The following MCTP2 variants were observed in gnomAD, a reference collection of about 807,000 sequenced individuals.
The protein encoded by MCTP2 is multiple C2 and transmembrane domain-containing protein 2.
MCTP2 carries 132 observed loss-of-function variants against 111.6 expected under a neutral mutation model. The ratio of observed to expected loss-of-function variants is 1.18; its 90% CI spans 1.03 to 1.37. MCTP2 has a LOEUF of 1.37. Among genes scored for constraint, MCTP2 ranks in the 40% most tolerant of loss-of-function variants. The pLI, the probability that MCTP2 is intolerant of heterozygous loss-of-function variation, is 0.00. For synonymous variants in MCTP2, 395 were observed against 387.7 expected (o/e 1.02, Z -0.22); for missense variants, 1,183 against 1,067.9 (o/e 1.11, Z -1.50).
intron 17 of MCTP2, among the ~76,000 whole-genome samples, chr15:94,426,209 C>T (rs1323493504): frequency 6.6e-6 from 1 of 151,754 alleles, no homozygotes; most frequent in Non-Finnish European, 1.5e-5. Flanking sequence ...TCCTATTTGG[C>T]ATTCCTTAAC....
At chr15:94,392,873 C>A (rs992512207) in intron 14 of MCTP2, among the ~76,000 whole-genome samples, 25 of 151,880 alleles carry the variant, frequency 1.6e-4, no homozygotes, top group Admixed American at 1.2e-3. Flanking sequence ...AAAAATAGAG[C>A]TATTCCCTCT....
At chr15:94,362,370 G>C (rs184649621) in intron 10 of MCTP2, among the ~76,000 whole-genome samples, 1 of 151,286 alleles carries the variant, frequency 6.6e-6, no homozygotes, top group Admixed American at 6.6e-5. Context: ...ACTCATTATA[G>C]AATTTTCTAG....
chr15:94,296,478 A>G (rs1180663359), intron 1 of MCTP2, among the ~76,000 whole-genome samples: 2 of 152,206 alleles, frequency 1.3e-5, no homozygotes, highest in Non-Finnish European at 2.9e-5. Flanking sequence ...GTATTAGTCC[A>G]TTCAGTCCTC....
Position 94,298,512 on chromosome 15 carries a change from T to C in MCTP2, c.247T>C (p.Ser83Pro), listed in dbSNP as rs2075380835. 1 of 1,613,964 alleles carries C rather than the reference T, an allele frequency of 6.2e-7. No homozygotes were observed. Among genetic ancestry groups the C allele is most frequent in the Non-Finnish European group, 8.5e-7 (1 of 1,179,870 alleles). The change falls in exon 2 of 23, where the codon TCC becomes CCC. Residue 83 changes from serine (S) to proline (P), a missense_variant. Coordinates refer to ENST00000357742, the MANE Select transcript of MCTP2 (RefSeq NM_001385001.1). ...SSYTSVPSSL[S>P]TAGIFPKSSS... The stretch of plus-strand genomic sequence containing the variant: ...CTACACCTCGGTGCCCAGCAGTCTG[T>C]CCACTGCAGGGATCTTTCCCAAGAG...
intron 12 of MCTP2, among the ~76,000 whole-genome samples, chr15:94,374,114 T>C (rs16949038): frequency 0.032 from 4,822 of 152,258 alleles, 235 homozygotes; most frequent in African/African-American, 0.1. Context: ...ATACCTACAG[T>C]AGAGGCCCAG....
At chr15:94,319,982 C>A (rs1415688140) in intron 4 of MCTP2, among the ~76,000 whole-genome samples, 3 of 152,124 alleles carry the variant, frequency 2.0e-5, no homozygotes, top group Admixed American at 6.5e-5. Flanking sequence ...TTGTCCTATG[C>A]AGTCTTTTAT....
chr15:94,318,558 C>G (rs1428695727), intron 4 of MCTP2, among the ~76,000 whole-genome samples: 2 of 152,158 alleles, frequency 1.3e-5, no homozygotes, highest in East Asian at 3.9e-4. Context: ...CAGGTGTGAG[C>G]CACCACGCCC....
chr15:94,459,530 T>C (rs993508400), intron 20 of MCTP2, among the ~76,000 whole-genome samples: 2 of 152,240 alleles, frequency 1.3e-5, no homozygotes, highest in Non-Finnish European at 2.9e-5. Flanking sequence ...TTTACAGTTA[T>C]ACCCATTATT....
At chr15:94,372,310 C>T (rs1190572104) in intron 12 of MCTP2, among the ~76,000 whole-genome samples, 1 of 152,154 alleles carries the variant, frequency 6.6e-6, no homozygotes, top group African/African-American at 2.4e-5. Flanking sequence ...TAATGGTCTT[C>T]GTTTTTAGAA....
intron 1 of MCTP2, among the ~76,000 whole-genome samples, chr15:94,275,132 A>G (rs2074119682): frequency 1.3e-5 from 2 of 152,172 alleles, no homozygotes; most frequent in Admixed American, 1.3e-4. Flanking sequence ...TTTTTATCAA[A>G]CTAGAAATAG....
In MCTP2 at chr15:94,476,797, T is replaced by C; in HGVS notation, c.2568+4T>C. On this transcript the variant is annotated splice_donor_region_variant and intron_variant, in intron 22 of 22. Transcript: ENST00000357742. ...GGTACCGTCTGATGTTCAAAAGGTA[T>C]GTAATGAATGGTTACCACCAACAGT... is the stretch of plus-strand genomic sequence containing the variant. 1 of 1,523,518 alleles carries C rather than the reference T, an allele frequency of 6.6e-7. No homozygotes were observed. The highest frequency in any genetic ancestry group is 9.1e-7 in the Non-Finnish European group (1 of 1,097,914). 94.4% of individuals were successfully genotyped at this position (1,523,518 alleles called of 1,614,324 possible).
In MCTP2 at chr15:94,378,158, T is replaced by G. The variant is rs560683260; in HGVS notation, c.1583-5864T>G. On this transcript the variant is annotated intron_variant, in intron 12 of 22. Coordinates refer to ENST00000357742, the MANE Select transcript of MCTP2 (RefSeq NM_001385001.1). ...GAGGAGAATGAAAATGGGAAGATGT[T>G]AGACAAGATCAGTGAATGATGATAT... Among the ~76,000 whole-genome samples the G allele has an allele frequency of 1.3e-3, 201 of 152,162 alleles. 2 individuals carry two copies. Among genetic ancestry groups the G allele is most frequent in the African/African-American group, 4.6e-3 (189 of 41,520 alleles).
intron 17 of MCTP2, among the ~76,000 whole-genome samples, chr15:94,411,674 A>G (rs963239359): frequency 6.6e-6 from 1 of 152,112 alleles, no homozygotes; most frequent in Non-Finnish European, 1.5e-5. Context: ...GGGTTGTGTC[A>G]TTGGCTTTTT....
At chr15:94,368,776 C>T (rs1255551453) in intron 11 of MCTP2, among the ~76,000 whole-genome samples, 1 of 152,144 alleles carries the variant, frequency 6.6e-6, no homozygotes, top group East Asian at 1.9e-4. Context: ...CCAAGCTTTC[C>T]AATGGATAAG....
chr15:94,340,447 G>A (rs1567467884), intron 6 of MCTP2, among the ~76,000 whole-genome samples, 172 bp downstream of exon 6: 1 of 152,094 alleles, frequency 6.6e-6, no homozygotes, highest in Non-Finnish European at 1.5e-5. Context: ...TTGCTTTCCA[G>A]GTGCCAAATA....
chr15:94,350,113 T>C (rs999118148), intron 8 of MCTP2, among the ~76,000 whole-genome samples: 2 of 152,038 alleles, frequency 1.3e-5, no homozygotes, highest in African/African-American at 4.8e-5. Context: ...ACCTTCAAGT[T>C]TGAGAAGCCC....
intron 1 of MCTP2, among the ~76,000 whole-genome samples, chr15:94,260,891 C>T (rs906801277): frequency 6.6e-6 from 1 of 152,078 alleles, no homozygotes; most frequent in African/African-American, 2.4e-5. Flanking sequence ...ACTGAAAGAA[C>T]AGTAATAGAA....
intron 1 of MCTP2, among the ~76,000 whole-genome samples, chr15:94,277,735 A>G (rs773122870): frequency 6.6e-6 from 1 of 152,184 alleles, no homozygotes; most frequent in Non-Finnish European, 1.5e-5. Flanking sequence ...ACTCTGTATA[A>G]TACTGTAAGG....
intron 10 of MCTP2, among the ~76,000 whole-genome samples, chr15:94,364,496 A>G (rs887302078): frequency 6.6e-6 from 1 of 152,188 alleles, no homozygotes; most frequent in Non-Finnish European, 1.5e-5. Flanking sequence ...AATGAAAAAG[A>G]AGAAGTCTAG....
Sources: gnomAD v4.1 joint callset for allele counts (sites outside exome capture counted in the v4.1 genomes callset) on GRCh38, gnomAD v4.1.1 for gene constraint, MANE v1.5 for transcripts, NCBI Gene and HGNC (gene_info 2026-07-23, HGNC 2026-07-21) for gene names.